QRICH2: variants seen among roughly 807,000 people sequenced by gnomAD.
QRICH2 encodes the protein glutamine-rich protein 2.
QRICH2 carries 119 observed loss-of-function variants against 168.3 expected under a neutral mutation model. That is an observed-to-expected ratio of 0.71 (90% CI 0.61 to 0.82). The LOEUF (loss-of-function observed/expected upper bound fraction) is 0.82. QRICH2 is among the 40% of genes least tolerant of loss of function. The pLI is 0.00. For synonymous variants in QRICH2, 894 were observed against 951.2 expected (o/e 0.94, Z 1.11); for missense variants, 2,241 against 2,491.6 (o/e 0.90, Z 2.14).
At chr17:76,305,049 A>T in intron 1 of QRICH2, 108 bp from the exon 2 acceptor site, 1 of 795,644 alleles carries the variant, frequency 1.3e-6, no homozygotes, top group Non-Finnish European at 2.3e-6. Context: ...AGACACACAC[A>T]TGCATACACG....
intron 7 of QRICH2, 149 bp downstream of exon 7, chr17:76,287,043 A>AAG (rs2070898534): frequency 5.3e-6 from 1 of 189,418 alleles, no homozygotes; most frequent in African/African-American, 4.5e-5. Context: ...CACACCACAT[A>AAG]ACACACACAC....
intron 7 of QRICH2, among the ~76,000 whole-genome samples, chr17:76,286,752 G>A (rs2143234886): frequency 6.6e-6 from 1 of 152,018 alleles, no homozygotes; most frequent in Non-Finnish European, 1.5e-5. Context: ...GCATATGCCT[G>A]TAGTCCTGGC....
At position 76,277,249 on chromosome 17, in the gene QRICH2, T is replaced by A; in HGVS notation, c.5179A>T (p.Thr1727Ser). ...CTGCGGTGGTAGGGGTAGGTGAGGG[T>A]GTGGCTGCCCCCGCAGCGCCGGGGC... ...TVPRRCGGSHTLTYPYHRSRP... is the reference protein window; with the variant it reads ...TVPRRCGGSHSLTYPYHRSRP... The change falls in exon 16 of 19, where the codon ACC (threonine) becomes TCC (serine). Residue 1727 changes from threonine to serine, a missense_variant. Thr to Ser is a moderately conservative substitution (Grantham distance 58). Transcript: ENST00000680821. 1 of 1,601,662 alleles carries A rather than the reference T, an allele frequency of 6.2e-7. No homozygotes were observed. The highest frequency in any genetic ancestry group is 1.1e-5 in the South Asian group (1 of 89,450).
intron 2 of QRICH2, 90 bp from the exon 3 acceptor site, chr17:76,304,615 G>T: frequency 1.1e-6 from 1 of 916,694 alleles, no homozygotes; most frequent in Non-Finnish European, 1.7e-6. Context: ...GATCTGGGTG[G>T]GTCCTTCACA....
upstream of QRICH2, chr17:76,310,469 CTGT>C (rs1421637242): frequency 1.4e-5 from 2 of 143,428 alleles, no homozygotes; most frequent in African/African-American, 2.7e-5. Flanking sequence ...GATCCCTGGC[CTGT>C]TTTTTTTTTT....
At chr17:76,284,868 C>T (rs1274832284) in intron 7 of QRICH2, among the ~76,000 whole-genome samples, 2 of 150,422 alleles carry the variant, frequency 1.3e-5, no homozygotes, top group South Asian at 2.1e-4. Flanking sequence ...CCAAAAAGCA[C>T]ATGAAAAGAT....
intron 3 of QRICH2, among the ~76,000 whole-genome samples, chr17:76,302,491 A>G (rs2070923024): frequency 2.0e-5 from 3 of 152,226 alleles, no homozygotes; most frequent in Non-Finnish European, 1.5e-5. Context: ...TGCAGGTACA[A>G]TTAAGGATCT....
intron 6 of QRICH2, 99 bp from the exon 7 acceptor site, chr17:76,287,405 A>T (rs2070909913): frequency 1.2e-6 from 1 of 831,888 alleles, no homozygotes; most frequent in Non-Finnish European, 2.0e-6. Context: ...ACACAGCTGG[A>T]GGTCTCTCAC....
Position 76,291,640 on chromosome 17 carries a change from T to C in QRICH2, c.3087A>G (p.Gln1029=). The change falls in exon 4 of 19, where the codon CAA becomes CAG. Residue 1029 remains glutamine (Q), a synonymous_variant. Transcript: ENST00000680821. ...GATCTATACCAGGTGATGCCAAACCTTGACTGGCTAGGAGTGGTGACACCT... is the reference window on the plus strand; with the variant it reads ...GATCTATACCAGGTGATGCCAAACCCTGACTGGCTAGGAGTGGTGACACCT... ...YGQVSPLLAS[Q]GLASPGIDRR... 6.2e-7 allele frequency: 1 copy of C among 1,614,154 alleles called. No homozygotes were observed.
At chr17:76,298,625 C>CT (rs1289811229) in intron 3 of QRICH2, among the ~76,000 whole-genome samples, 3 of 151,390 alleles carry the variant, frequency 2.0e-5, no homozygotes, top group Non-Finnish European at 3.0e-5. Context: ...ACCTCTTTGT[C>CT]TTTTTTTTAA....
intron 1 of QRICH2, among the ~76,000 whole-genome samples, chr17:76,306,887 A>C (rs935435336): frequency 1.3e-3 from 174 of 139,028 alleles, no homozygotes; most frequent in Middle Eastern, 3.6e-3. Context: ...ACTCCTTCTC[A>C]AAAAAAAAAA....
chr17:76,304,604 G>A, intron 2 of QRICH2, 79 bp from the exon 3 acceptor site: 1 of 1,021,826 alleles, frequency 9.8e-7, no homozygotes, highest in Non-Finnish European at 1.5e-6. Context: ...TGGTCTAACA[G>A]GATCTGGGTG....
chr17:76,292,361 C>T lies in QRICH2; in HGVS notation c.2366G>A (p.Arg789His), dbSNP rs370298772. 2.4e-5 allele frequency: 37 copies of T among 1,573,526 alleles called. No individual in the cohort carries two copies. Among genetic ancestry groups the T allele is most frequent in the East Asian group, 1.9e-4 (8 of 42,020 alleles). ...HGLAQPGEVQ[R>H]SLVQPGIVQR... ...AACTATACCAGGTTGCACCAAACTACGCTGAACTTCACCAGGTTGTGCCAA... is the reference window on the plus strand; with the variant it reads ...AACTATACCAGGTTGCACCAAACTATGCTGAACTTCACCAGGTTGTGCCAA... The change falls in exon 4 of 19, where the codon CGT becomes CAT. Residue 789 changes from arginine (R) to histidine (H), a missense_variant. Arg to His is a conservative substitution (Grantham distance 29, BLOSUM62 0). Around this residue, in one of 3 missense-constraint regions of QRICH2, gnomAD observed 2,047 missense variants for 2,303.8 expected, o/e 0.89. Transcript: ENST00000680821.
chr17:76,294,812 CAAA>C (rs35491289), intron 3 of QRICH2, among the ~76,000 whole-genome samples: 2 of 104,098 alleles, frequency 1.9e-5, no homozygotes, highest in Non-Finnish European at 2.1e-5. Flanking sequence ...GACTCCTTCT[CAAA>C]AAAAAAAAAA....
At position 76,281,003 on chromosome 17, in the gene QRICH2, AC is replaced by A. The variant is rs895524408; in HGVS notation, c.4264-51del. On this transcript the variant is annotated intron_variant, in intron 8 of 18. Coordinates refer to ENST00000680821, the MANE Select transcript of QRICH2 (RefSeq NM_001388453.1). This position sits in a 1 kb window ranked among gnomAD's most constrained non-coding sequence, Gnocchi z 4.4. ...TCTCGGAGGCTGCTGGCGCGATCCC[AC>A]CCCCTGCTGCCATAATATTGCTGCC... 1.3e-6 allele frequency: 2 copies of A among 1,574,964 alleles called. No homozygotes were observed. Among genetic ancestry groups the A allele is most frequent in the African/African-American group, 2.7e-5 (2 of 74,022 alleles).
chr17:76,293,901 C>T lies in QRICH2; in HGVS notation c.826G>A (p.Ala276Thr). 6.2e-7 allele frequency: 1 copy of T among 1,614,180 alleles called. No individual in the cohort carries two copies. The highest frequency in any genetic ancestry group is 8.5e-7 in the Non-Finnish European group (1 of 1,180,042). Residue 276 changes from alanine to threonine, a missense_variant, in exon 4 of 19, where the codon GCC becomes ACC. Transcript: ENST00000680821. ...GTCCGATCCGGGCCAAGACCACTGG[C>T]AGAATCCAGAGCCTGCTCAATACTT... ...QPSIEQALDS[A>T]SGLGPDRTAS...
intron 7 of QRICH2, among the ~76,000 whole-genome samples, chr17:76,284,598 C>T (rs961652846): frequency 8.6e-5 from 13 of 151,818 alleles, no homozygotes; most frequent in African/African-American, 2.9e-4. Flanking sequence ...GCGGGTGGAT[C>T]ACGAGGTCAG....
chr17:76,284,397 A>G (rs1427924339), intron 7 of QRICH2, among the ~76,000 whole-genome samples: 1 of 143,024 alleles, frequency 7.0e-6, no homozygotes, highest in East Asian at 1.9e-4. Flanking sequence ...AATATTTGCA[A>G]GTCATCTATC....
upstream of QRICH2, chr17:76,308,314 G>C (rs993332973): frequency 6.1e-6 from 6 of 985,292 alleles, no homozygotes; most frequent in African/African-American, 1.0e-4. Context: ...AAGATTCCAC[G>C]TAACAACACG....
Sources: allele counts gnomAD v4.1 joint callset (sites outside exome capture counted in the v4.1 genomes callset), GRCh38; gene constraint gnomAD v4.1.1; regional missense constraint gnomAD v4.1.1; non-coding constraint Gnocchi (gnomAD v3.1); transcripts MANE v1.5; gene names NCBI Gene and HGNC (gene_info 2026-07-23, HGNC 2026-07-21).